The following NDOR1 variants were observed in gnomAD, a reference collection of about 807,000 sequenced individuals.
NDOR1 encodes the protein NADPH-dependent diflavin oxidoreductase 1.
NDOR1 carries 61 observed loss-of-function variants against 67.2 expected under a neutral mutation model. That is an observed-to-expected ratio of 0.91 (90% CI 0.74 to 1.12). The LOEUF (loss-of-function observed/expected upper bound fraction) is 1.12, where lower values mean the gene tolerates loss of function less well. NDOR1 is among the 50% of genes most tolerant of loss of function. The probability of loss-of-function intolerance (pLI) is 0.00; values close to 1 mark genes in which losing one functional copy is unlikely to be tolerated. For synonymous variants in NDOR1, 378 were observed against 343.7 expected (o/e 1.10, Z -1.10); for missense variants, 878 against 802.8 (o/e 1.09, Z -1.13).
rs60329566 is a variant in NDOR1, at chr9:137,217,765, GTCC to G, written c.*1354_*1356del. The G allele has an allele frequency of 0.044, 17,367 of 392,190 alleles. 569 individuals are homozygous for G. Among genetic ancestry groups the G allele is most frequent in the African/African-American group, 0.11 (5,391 of 48,554 alleles). The allele number at this position is 392,190 out of a possible 1,614,324, so 24.3% of individuals were successfully genotyped here. A position where few individuals can be genotyped will look rare whatever the true frequency, so the allele number is the denominator to read the frequency against. ...CCCCTGTCGCCGCCCTGGGGTCCCT[GTCC>G]TCCTATCCTGACTCCTGCCCCAGGG... On this transcript the variant is annotated 3_prime_UTR_variant, in exon 14 of 14. Transcript: ENST00000684003.
rs1356304684 is a variant in NDOR1, at chr9:137,215,733, ATGG to A, written c.1367_1369del (p.Val456del). 12 of 1,603,076 alleles carry A rather than the reference ATGG, an allele frequency of 7.5e-6. No individual in the cohort carries two copies. Among genetic ancestry groups the A allele is most frequent in the Non-Finnish European group, 1.0e-5 (12 of 1,173,692 alleles). On this transcript the variant is annotated inframe_deletion, in exon 11 of 14. Coordinates refer to ENST00000684003, the MANE Select transcript of NDOR1 (RefSeq NM_014434.4). ...AGAGACACCAGACACACCTGTGATC[ATGG>A]TGGGGCCTGGCACTGGGGTAGCCCC... is the stretch of plus-strand genomic sequence containing the variant.
At chr9:137,210,545 A>G (rs1835205110) in intron 2 of NDOR1, among the ~76,000 whole-genome samples, 1 of 152,172 alleles carries the variant, frequency 6.6e-6, no homozygotes, top group Admixed American at 6.5e-5. Context: ...AAAAAACTTT[A>G]AAAGATTAGA....
In NDOR1 at chr9:137,216,577, C is replaced by T; in HGVS notation, c.*161C>T. 1 of 939,562 alleles carries T rather than the reference C, an allele frequency of 1.1e-6. No homozygotes were observed. Among genetic ancestry groups the T allele is most frequent in the South Asian group, 1.7e-5 (1 of 57,608 alleles). The allele number at this position is 939,562 out of a possible 1,614,324, so 58.2% of individuals were successfully genotyped here. On this transcript the variant is annotated 3_prime_UTR_variant, in exon 14 of 14. Transcript: ENST00000684003. ...GAGCACAGCCGCACTCCTGTTGACC[C>T]TGGATCCCACCCTTTGAGCCTGACC...
rs568351140 is a variant in NDOR1, at chr9:137,214,877, G to A, written c.924G>A (p.Val308=). 3.1e-6 allele frequency: 5 copies of A among 1,611,480 alleles called. No individual in the cohort carries two copies. The Admixed American group carries it at 8.3e-5, about 27-fold the overall frequency. The change falls in exon 8 of 14, where the codon GTG becomes GTA. Residue 308 remains valine (V), a synonymous_variant. Transcript: ENST00000684003. ...CCCACTACCTGGACATCGCCAGCGT[G>A]CCTCGCCGCTCCTTCTTCGAACTCC... ...LVSHYLDIAS[V]PRRSFFELLA... is the part of the protein sequence containing the mutation.
In NDOR1 at chr9:137,212,017, G is replaced by C. The variant is rs371312795; in HGVS notation, c.214-485G>C. ...AGCGACACTGGAACCTCAGAGGGCCGAGTGTGAGAGCCCTTGGGATGGACC... is the reference window on the plus strand; with the variant it reads ...AGCGACACTGGAACCTCAGAGGGCCCAGTGTGAGAGCCCTTGGGATGGACC... On this transcript the variant is annotated intron_variant, in intron 2 of 13. Coordinates refer to ENST00000684003, the MANE Select transcript of NDOR1 (RefSeq NM_014434.4). The surrounding 1 kb of genome is among the most constrained non-coding windows in gnomAD (Gnocchi z 4.3). Among the ~76,000 whole-genome samples, 6 of 152,166 alleles carry C rather than the reference G, an allele frequency of 3.9e-5. No homozygotes were observed. The highest frequency in any genetic ancestry group is 7.4e-5 in the Non-Finnish European group (5 of 68,010).
At position 137,216,503 on chromosome 9, in the gene NDOR1, G is replaced by C; in HGVS notation, c.*87G>C. 6.7e-6 allele frequency: 10 copies of C among 1,497,116 alleles called. No homozygotes were observed. The highest frequency in any genetic ancestry group is 8.9e-6 in the Non-Finnish European group (10 of 1,123,520). 92.7% of individuals were successfully genotyped at this position (1,497,116 alleles called of 1,614,324 possible). A position where few individuals can be genotyped will look rare whatever the true frequency, so the allele number is the denominator to read the frequency against. On this transcript the variant is annotated 3_prime_UTR_variant, in exon 14 of 14. Transcript: ENST00000684003. ...ACGAGGGAGCTCCTGGCCAGCAGCCGTCATCCTCTCGGACCAGCCAGCTGG... is the reference window on the plus strand; with the variant it reads ...ACGAGGGAGCTCCTGGCCAGCAGCCCTCATCCTCTCGGACCAGCCAGCTGG...
chr9:137,215,189 C>T lies in NDOR1; in HGVS notation c.1160C>T (p.Ala387Val), dbSNP rs1262086439. Residue 387 changes from alanine to valine, a missense_variant, in exon 9 of 14, where the codon GCC (alanine) becomes GTC (valine). By Grantham distance (64) the Ala-to-Val change is moderately conservative. Coordinates refer to ENST00000684003, the MANE Select transcript of NDOR1 (RefSeq NM_014434.4). ...PVIRPRAFSI[A>V]SSLLTHPSRL... Reference sequence around the variant, plus strand: ...ATCCGGCCGAGGGCCTTCTCCATCGCCTCCTCGCTGCTGGTGAGGGGCCTG... The same window carrying T: ...ATCCGGCCGAGGGCCTTCTCCATCGTCTCCTCGCTGCTGGTGAGGGGCCTG... 5.6e-6 allele frequency: 9 copies of T among 1,611,894 alleles called. No homozygotes were observed. Among genetic ancestry groups the T allele is most frequent in the Non-Finnish European group, 7.6e-6 (9 of 1,179,648 alleles).
intron 2 of NDOR1, among the ~76,000 whole-genome samples, chr9:137,208,910 C>T (rs959372389): frequency 6.6e-6 from 1 of 151,958 alleles, no homozygotes; most frequent in Non-Finnish European, 1.5e-5. Flanking sequence ...GACGGAGTCT[C>T]GCTCTGTCGC....
In NDOR1 at chr9:137,214,652, G is replaced by C; in HGVS notation, c.805G>C (p.Asp269His). The change falls in exon 7 of 14, where the codon GAC becomes CAC. Residue 269 changes from aspartate (D) to histidine (H), a missense_variant. Physicochemically the swap from Asp to His is moderately conservative, Grantham distance 81 (BLOSUM62 -1). Transcript: ENST00000684003. ...VQRFCQVLGLDPDQLFMLQPR... is the reference protein window; with the variant it reads ...VQRFCQVLGLHPDQLFMLQPR... ...GCGGTTCTGCCAGGTGCTGGGCCTG[G>C]ACCCTGACCAGCTCTTCATGCTGCA... 1 of 1,607,598 alleles carries C rather than the reference G, an allele frequency of 6.2e-7. No homozygotes were observed. Among genetic ancestry groups the C allele is most frequent in the Non-Finnish European group, 8.5e-7 (1 of 1,179,928 alleles).
In NDOR1 at chr9:137,212,474, T is replaced by C; in HGVS notation, c.214-28T>C. The C allele has an allele frequency of 1.9e-6, 3 of 1,604,964 alleles. No homozygotes were observed. The South Asian group carries it at 3.3e-5, about 18-fold the overall frequency. ...TGGGGCTAGCCTAGAGGTCGAGGAC[T>C]CTGACTCAGAGTTTCCTCCGGCTGT... is the stretch of plus-strand genomic sequence containing the variant. On this transcript the variant is annotated intron_variant, in intron 2 of 13. Coordinates refer to ENST00000684003, the MANE Select transcript of NDOR1 (RefSeq NM_014434.4). This position sits in a 1 kb window ranked among gnomAD's most constrained non-coding sequence, Gnocchi z 4.3.
At chr9:137,207,533 G>A (rs981768307) in intron 2 of NDOR1, among the ~76,000 whole-genome samples, 1 of 151,954 alleles carries the variant, frequency 6.6e-6, no homozygotes, top group Non-Finnish European at 1.5e-5. Flanking sequence ...GTGAGAAGAG[G>A]AAGCTCCTCT....
chr9:137,208,155 A>G (rs1014008804), intron 2 of NDOR1, among the ~76,000 whole-genome samples: 20 of 145,072 alleles, frequency 1.4e-4, no homozygotes, highest in East Asian at 2.1e-4. Context: ...AAAAAAAAAA[A>G]AAAAAGAAAA....
At position 137,215,531 on chromosome 9, in the gene NDOR1, G is replaced by A. The variant is rs774141347; in HGVS notation, c.1288+10G>A. The stretch of plus-strand genomic sequence containing the variant: ...CTGGACCCTGGGCAAGGTGACCCCT[G>A]CTCCCAGGGTGGGGGCCGTGGGCCC... On this transcript the variant is annotated intron_variant, in intron 10 of 13. Coordinates refer to ENST00000684003, the MANE Select transcript of NDOR1 (RefSeq NM_014434.4). The A allele has an allele frequency of 6.2e-7, 1 of 1,612,522 alleles. No homozygotes were observed. The highest frequency in any genetic ancestry group is 8.5e-7 in the Non-Finnish European group (1 of 1,179,634).
intron 2 of NDOR1, among the ~76,000 whole-genome samples, chr9:137,210,930 T>C (rs949037744): frequency 2.0e-5 from 3 of 151,852 alleles, no homozygotes; most frequent in Non-Finnish European, 4.4e-5. Context: ...CACTTGAGGT[T>C]AGGAGTTCGA....
chr9:137,214,583 G>A lies in NDOR1; in HGVS notation c.736G>A (p.Asp246Asn). The stretch of plus-strand genomic sequence containing the variant: ...TCTTCCACACAGCTTTGCTGCTGGT[G>A]ATGTGGTGCTGATTCAGCCCTCCAA... ...LGSGISFAAG[D>N]VVLIQPSNSA... The change falls in exon 7 of 14, where the codon GAT (aspartate) becomes AAT (asparagine). Residue 246 changes from aspartate (D) to asparagine (N), a missense_variant. Coordinates refer to ENST00000684003, the MANE Select transcript of NDOR1 (RefSeq NM_014434.4). 3 of 1,611,612 alleles carry A rather than the reference G, an allele frequency of 1.9e-6. No homozygotes were observed. Among genetic ancestry groups the A allele is most frequent in the East Asian group, 2.2e-5 (1 of 44,880 alleles).
At chr9:137,215,638 G>T in intron 10 of NDOR1, 21 bp from the exon 11 acceptor site, 1 of 1,579,124 alleles carries the variant, frequency 6.3e-7, no homozygotes, top group Admixed American at 1.8e-5. Flanking sequence ...TCCTCTTCAT[G>T]CCACCTCCTT....
At position 137,212,703 on chromosome 9, in the gene NDOR1, C is replaced by A; in HGVS notation, c.311+104C>A. On this transcript the variant is annotated intron_variant, in intron 3 of 13. Coordinates refer to ENST00000684003, the MANE Select transcript of NDOR1 (RefSeq NM_014434.4). The surrounding 1 kb of genome is among the most constrained non-coding windows in gnomAD (Gnocchi z 4.3). Reference sequence around the variant, plus strand: ...CCAGCTTCCAGGGTCGGCCCCTGCGCGCCTCAGGGCCCTCGCAGTGGTACT... The same window carrying A: ...CCAGCTTCCAGGGTCGGCCCCTGCGAGCCTCAGGGCCCTCGCAGTGGTACT... The A allele has an allele frequency of 9.5e-7, 1 of 1,050,678 alleles. No individual in the cohort carries two copies. The highest frequency in any genetic ancestry group is 1.5e-6 in the Non-Finnish European group (1 of 681,324). The allele number at this position is 1,050,678 out of a possible 1,614,324, so 65.1% of individuals were successfully genotyped here.
intron 2 of NDOR1, 90 bp downstream of exon 2, chr9:137,206,399 C>G: frequency 1.5e-6 from 2 of 1,293,014 alleles, no homozygotes; most frequent in Non-Finnish European, 2.2e-6. Flanking sequence ...GTAAATAGCT[C>G]TCCTTTATCT....
chr9:137,215,770 C>T lies in NDOR1; in HGVS notation c.1400C>T (p.Ala467Val). 5 of 1,597,074 alleles carry T rather than the reference C, an allele frequency of 3.1e-6. No homozygotes were observed. Among genetic ancestry groups the T allele is most frequent in the Non-Finnish European group, 4.3e-6 (5 of 1,170,924 alleles). Residue 467 changes from alanine to valine, a missense_variant, in exon 11 of 14, where the codon GCA (alanine) becomes GTA (valine). Ala to Val is a moderately conservative substitution (Grantham distance 64). Transcript: ENST00000684003. ...GPGTGVAPFR[A>V]AIQERVAQGQ... ...GGCACTGGGGTAGCCCCCTTCCGAG[C>T]AGCCATCCAGGAGCGTGTGGCCCAG...
Sources: gnomAD v4.1 joint callset for allele counts (sites outside exome capture counted in the v4.1 genomes callset) on GRCh38, gnomAD v4.1.1 for gene constraint, Gnocchi (gnomAD v3.1) non-coding constraint, MANE v1.5 for transcripts, NCBI Gene and HGNC (gene_info 2026-07-23, HGNC 2026-07-21) for gene names.